The following TRPM3 variants were observed in gnomAD, a reference collection of about 807,000 sequenced individuals.
The protein encoded by TRPM3 is transient receptor potential cation channel subfamily M member 3.
A neutral mutation model predicts 181.2 loss-of-function variants in TRPM3; 77 were observed. The ratio of observed to expected loss-of-function variants is 0.42; its 90% CI spans 0.35 to 0.51. TRPM3 has a LOEUF of 0.51. Ranked by LOEUF, TRPM3 falls within the 20% of genes least tolerant of loss-of-function variation. The pLI is 0.01. For missense variants in TRPM3, 1,759 were observed against 2,196.7 expected (o/e 0.80, Z 3.98); for synonymous variants, 745 against 796.4 (o/e 0.94, Z 1.09).
chr9:70,621,755 C>A (rs2063673870), intron 14 of TRPM3, among the ~76,000 whole-genome samples: 1 of 152,114 alleles, frequency 6.6e-6, no homozygotes, highest in South Asian at 2.1e-4. Flanking sequence ...TAAAACACCA[C>A]AAGAAGAACT....
At chr9:70,757,196 C>T (rs1222448060) in intron 8 of TRPM3, among the ~76,000 whole-genome samples, 1 of 152,156 alleles carries the variant, frequency 6.6e-6, no homozygotes, top group Non-Finnish European at 1.5e-5. Context: ...TCAGAGAATA[C>T]TATAAACACA....
At chr9:70,616,474 T>C (rs551019752) in intron 17 of TRPM3, among the ~76,000 whole-genome samples, 41 of 151,726 alleles carry the variant, frequency 2.7e-4, no homozygotes, top group African/African-American at 9.7e-4. Flanking sequence ...GCGCTTGATT[T>C]TGACTGTGAA....
At chr9:71,406,134 A>C (rs2093431882) in intron 1 of TRPM3, among the ~76,000 whole-genome samples, 1 of 152,110 alleles carries the variant, frequency 6.6e-6, no homozygotes, top group Admixed American at 6.6e-5. Flanking sequence ...ACAACACAAA[A>C]GTAAACAGCT....
At chr9:70,593,695 G>A (rs182282303) in intron 21 of TRPM3, among the ~76,000 whole-genome samples, 2 of 152,052 alleles carry the variant, frequency 1.3e-5, no homozygotes, top group Non-Finnish European at 2.9e-5. Context: ...ATAGAATGCA[G>A]TGCAGAAATA....
intron 1 of TRPM3, among the ~76,000 whole-genome samples, chr9:70,933,697 A>C (rs2096796790): frequency 6.6e-6 from 1 of 152,152 alleles, no homozygotes; most frequent in African/African-American, 2.4e-5. Flanking sequence ...ATAAGACCTA[A>C]AAAGAGATTT....
chr9:71,375,644 C>T (rs10114936), intron 1 of TRPM3, among the ~76,000 whole-genome samples: 3,880 of 152,222 alleles, frequency 0.025, 104 homozygotes, highest in African/African-American at 0.063. Flanking sequence ...GTTCTAATAT[C>T]CAGAATCTAC....
chr9:71,291,262 C>T (rs537442040), intron 1 of TRPM3, among the ~76,000 whole-genome samples: 1 of 152,248 alleles, frequency 6.6e-6, no homozygotes, highest in South Asian at 2.1e-4. Flanking sequence ...AACAATCAGT[C>T]AGAAGAGGCC....
intron 22 of TRPM3, among the ~76,000 whole-genome samples, chr9:70,587,630 C>T (rs1413064775): frequency 6.6e-6 from 1 of 152,158 alleles, no homozygotes; most frequent in Non-Finnish European, 1.5e-5. Context: ...CTTTTCTCCT[C>T]AAGCTCCAGT....
chr9:71,003,203 A>AAC (rs2097631782), intron 1 of TRPM3, among the ~76,000 whole-genome samples: 1 of 141,108 alleles, frequency 7.1e-6, no homozygotes, highest in Non-Finnish European at 1.6e-5. Context: ...TAAAAAAAAA[A>AAC]AAAAAAAACA....
chr9:70,570,238 T>G (rs1310177776), intron 22 of TRPM3, among the ~76,000 whole-genome samples: 2 of 152,044 alleles, frequency 1.3e-5, no homozygotes, highest in Non-Finnish European at 2.9e-5. Context: ...TTGGTTTTTT[T>G]TTTTGCTAAT....
chr9:70,986,113 A>G (rs925733691), intron 1 of TRPM3, among the ~76,000 whole-genome samples: 1 of 152,158 alleles, frequency 6.6e-6, no homozygotes, highest in Admixed American at 6.6e-5. Flanking sequence ...TAATACCAGC[A>G]TTTTGGGAGG....
chr9:70,583,664 C>T (rs564940976), intron 22 of TRPM3, among the ~76,000 whole-genome samples: 41 of 152,312 alleles, frequency 2.7e-4, no homozygotes, highest in Admixed American at 2.7e-3. Context: ...AAAGGAGAGC[C>T]TCCTTTGAGA....
At chr9:71,228,789 G>T (rs996643553) in intron 1 of TRPM3, among the ~76,000 whole-genome samples, 1 of 152,056 alleles carries the variant, frequency 6.6e-6, no homozygotes, top group Admixed American at 6.6e-5. Context: ...AGTAAAAACT[G>T]TAAAACATTT....
intron 1 of TRPM3, among the ~76,000 whole-genome samples, chr9:71,340,504 T>G (rs145892856): frequency 6.6e-6 from 1 of 152,146 alleles, no homozygotes; most frequent in East Asian, 1.9e-4. Flanking sequence ...ATCTGATGGT[T>G]TTAAGAAGGA....
intron 1 of TRPM3, among the ~76,000 whole-genome samples, chr9:71,265,426 T>C (rs1302295115): frequency 6.6e-6 from 1 of 152,228 alleles, no homozygotes; most frequent in African/African-American, 2.4e-5. Context: ...GACTGGTTTT[T>C]AAAAACCTTC....
intron 1 of TRPM3, among the ~76,000 whole-genome samples, chr9:71,095,000 T>C (rs865865011): frequency 6.6e-6 from 1 of 152,110 alleles, no homozygotes; most frequent in African/African-American, 2.4e-5. Flanking sequence ...TAAGTCCTCT[T>C]AGCATACTCC....
At chr9:71,187,889 T>TGATAGATAGATAGATA (rs5898183) in intron 1 of TRPM3, among the ~76,000 whole-genome samples, 1 of 146,096 alleles carries the variant, frequency 6.8e-6, no homozygotes, top group Non-Finnish European at 1.5e-5. Context: ...GGCAGACAGA[T>TGATAGATAGATAGATA]GATAGATAGA....
intron 5 of TRPM3, among the ~76,000 whole-genome samples, chr9:70,829,465 G>T (rs986117025): frequency 6.6e-6 from 1 of 152,112 alleles, no homozygotes; most frequent in Non-Finnish European, 1.5e-5. Context: ...TTTCTGAATT[G>T]AGGATTGATC....
chr9:70,902,397 G>A (rs2096399603), intron 1 of TRPM3, among the ~76,000 whole-genome samples: 1 of 152,222 alleles, frequency 6.6e-6, no homozygotes, highest in Admixed American at 6.5e-5. Flanking sequence ...TGTGATAAAT[G>A]CTGATGACTG....
Sources: allele counts gnomAD v4.1 joint callset (sites outside exome capture counted in the v4.1 genomes callset), GRCh38; gene constraint gnomAD v4.1.1; transcripts MANE v1.5; gene names NCBI Gene and HGNC (gene_info 2026-07-23, HGNC 2026-07-21).